Variants in OSMR observed in about 807,000 individuals in gnomAD.
The protein encoded by OSMR is oncostatin-M-specific receptor subunit beta.
In OSMR, 81 loss-of-function variants were observed where a neutral mutation model predicts 99.9. That is an observed-to-expected ratio of 0.81 (90% CI 0.68 to 0.97). The LOEUF (loss-of-function observed/expected upper bound fraction) is 0.97. OSMR is among the 50% of genes least tolerant of loss of function. The probability of loss-of-function intolerance (pLI) is 0.00; values close to 1 mark genes in which losing one functional copy is unlikely to be tolerated. For synonymous variants in OSMR, 406 were observed against 410.4 expected (o/e 0.99, Z 0.13); for missense variants, 1,099 against 1,153.4 (o/e 0.95, Z 0.68).
At position 38,891,944 on chromosome 5, in the gene OSMR, C is replaced by T. The variant is rs186338569; in HGVS notation, c.991+5754C>T. On this transcript the variant is annotated intron_variant, in intron 7 of 17. Coordinates refer to ENST00000274276, the MANE Select transcript of OSMR (RefSeq NM_003999.3). Reference sequence around the variant, plus strand: ...CCCAGACTGCAGATCACATGATCCCCCACCCCTGCCGCCCTTCTCCGGGCA... The same window carrying T: ...CCCAGACTGCAGATCACATGATCCCTCACCCCTGCCGCCCTTCTCCGGGCA... Among the ~76,000 whole-genome samples, 38 of 152,310 alleles carry T rather than the reference C, an allele frequency of 2.5e-4. No homozygotes were observed. The East Asian group carries it at 7.0e-3, about 28-fold the overall frequency.
chr5:38,939,803 A>G, downstream of OSMR: 1 of 225,654 alleles, frequency 4.4e-6, no homozygotes, highest in Non-Finnish European at 8.8e-6. Flanking sequence ...TATTATTTAT[A>G]GATGATTTTC....
chr5:38,883,097 T>C (rs1455948315), intron 4 of OSMR, among the ~76,000 whole-genome samples: 1 of 152,226 alleles, frequency 6.6e-6, no homozygotes, highest in Non-Finnish European at 1.5e-5. Context: ...GCGGATTGCC[T>C]GAGCTCAGGA....
chr5:38,939,323 C>T (rs1359779242), downstream of OSMR: 1 of 232,232 alleles, frequency 4.3e-6, no homozygotes, highest in Admixed American at 5.6e-5. Flanking sequence ...GTTGTCATTT[C>T]AAAAGGACTT....
chr5:38,888,963 C>T (rs1257575011), intron 7 of OSMR, among the ~76,000 whole-genome samples: 2 of 151,984 alleles, frequency 1.3e-5, no homozygotes, highest in African/African-American at 4.8e-5. Context: ...CTTATATTTT[C>T]TTCCTTGAGT....
At chr5:38,905,540 C>T (rs1286985335) in intron 9 of OSMR, among the ~76,000 whole-genome samples, 1 of 152,038 alleles carries the variant, frequency 6.6e-6, no homozygotes, top group African/African-American at 2.4e-5. Context: ...ATACATAGCT[C>T]GAAGGGCCCT....
intron 3 of OSMR, among the ~76,000 whole-genome samples, chr5:38,878,930 A>C (rs1478564288): frequency 3.9e-5 from 6 of 152,214 alleles, no homozygotes; most frequent in Non-Finnish European, 7.3e-5. Context: ...CATTCAGTCC[A>C]GAGTTTTAGC....
At chr5:38,881,445 G>A in intron 3 of OSMR, 148 bp from the exon 4 acceptor site, 1 of 1,541,458 alleles carries the variant, frequency 6.5e-7, no homozygotes, top group Non-Finnish European at 8.7e-7. Flanking sequence ...TCAGAACATG[G>A]GGAATTGACT....
chr5:38,888,283 C>T (rs1271690936), intron 7 of OSMR, among the ~76,000 whole-genome samples: 6 of 152,094 alleles, frequency 3.9e-5, no homozygotes, highest in Non-Finnish European at 2.9e-5. Context: ...ATGTTCTGCA[C>T]ACGTGGGGAT....
At chr5:38,870,540 G>T (rs117020380) in intron 2 of OSMR, among the ~76,000 whole-genome samples, 2,073 of 152,134 alleles carry the variant, frequency 0.014, 69 homozygotes, top group East Asian at 0.13. Context: ...CCACCTCCAG[G>T]TGTAACCGAA....
At position 38,924,487 on chromosome 5, in the gene OSMR, A is replaced by G. The variant is rs1473127587; in HGVS notation, c.1936A>G (p.Lys646Glu). ...LTSHSFTLSW[K>E]DYSTESQPGF... ...ATCCCACTCCTTCACTCTGAGTTGG[A>G]AAGATTACTCTACTGAATCTCAACC... The change falls in exon 14 of 18, where the codon AAA becomes GAA. Residue 646 changes from lysine to glutamate, a missense_variant. Coordinates refer to ENST00000274276, the MANE Select transcript of OSMR (RefSeq NM_003999.3). 1 of 1,614,170 alleles carries G rather than the reference A, an allele frequency of 6.2e-7. No individual in the cohort carries two copies. Among genetic ancestry groups the G allele is most frequent in the African/African-American group, 1.3e-5 (1 of 75,068 alleles).
In OSMR at chr5:38,941,212, A is replaced by G. The variant is rs188773716; in HGVS notation, c.75-2989A>G. On this transcript the variant is annotated intron_variant and NMD_transcript_variant, in intron 1 of 2. Coordinates refer to the OSMR transcript ENST00000508882. ...TACTCATAAACCCACCTACCACTGCATTTAGTTTGTGCAAAACAAAAACAC... is the reference window on the plus strand; with the variant it reads ...TACTCATAAACCCACCTACCACTGCGTTTAGTTTGTGCAAAACAAAAACAC... 8.7e-4 allele frequency: 202 copies of G among 232,920 alleles called. 2 individuals carry two copies. Among genetic ancestry groups the G allele is most frequent in the Middle Eastern group, 7.7e-3 (6 of 778 alleles). The allele number at this position is 232,920 out of a possible 1,614,324, so 14.4% of individuals were successfully genotyped here. A position where few individuals can be genotyped will look rare whatever the true frequency, so the allele number is the denominator to read the frequency against.
chr5:38,911,795 G>A (rs1386346746), intron 9 of OSMR, among the ~76,000 whole-genome samples: 2 of 152,084 alleles, frequency 1.3e-5, no homozygotes, highest in African/African-American at 4.8e-5. Flanking sequence ...CACATAAACC[G>A]AACTAAAAAC....
At chr5:38,926,755 T>C (rs1454393910) in intron 15 of OSMR, among the ~76,000 whole-genome samples, 6 of 152,166 alleles carry the variant, frequency 3.9e-5, no homozygotes, top group African/African-American at 1.4e-4. Flanking sequence ...GCCCTCATAT[T>C]TCAAAACACA....
At chr5:38,892,980 C>T (rs1744255845) in intron 7 of OSMR, among the ~76,000 whole-genome samples, 1 of 152,206 alleles carries the variant, frequency 6.6e-6, no homozygotes, top group Non-Finnish European at 1.5e-5. Flanking sequence ...CCAGGGGCTC[C>T]AGCTCTGCCC....
chr5:38,899,541 G>A (rs1561381809), intron 7 of OSMR, among the ~76,000 whole-genome samples: 5 of 152,284 alleles, frequency 3.3e-5, no homozygotes, highest in Admixed American at 3.3e-4. Context: ...ACGTCTCAGA[G>A]TCTCACCCAA....
Position 38,876,289 on chromosome 5 carries a change from C to T in OSMR, c.162C>T (p.Val54=). The T allele has an allele frequency of 6.2e-7, 1 of 1,613,140 alleles. No homozygotes were observed. Among genetic ancestry groups the T allele is most frequent in the Non-Finnish European group, 8.5e-7 (1 of 1,179,190 alleles). The change falls in exon 3 of 18, where the codon GTC becomes GTT. Residue 54 remains valine, a synonymous_variant. Transcript: ENST00000274276. The part of the protein sequence containing the change: ...TRQSLHLQWT[V]HNLPYHQELK... ...AGAGTTTGCACTTACAATGGACTGT[C>T]CACAACCTTCCTTATCATCAGGAAT...
intron 7 of OSMR, among the ~76,000 whole-genome samples, chr5:38,892,961 G>C (rs762204221): frequency 6.6e-6 from 1 of 152,126 alleles, no homozygotes. Context: ...TGGGGTATTT[G>C]TGGGCAAGCC....
At chr5:38,894,460 A>G (rs1744360238) in intron 7 of OSMR, among the ~76,000 whole-genome samples, 1 of 152,132 alleles carries the variant, frequency 6.6e-6, no homozygotes, top group African/African-American at 2.4e-5. Context: ...CCCATCTTAC[A>G]TGTAATGACA....
chr5:38,885,717 T>A (rs1024758644), intron 6 of OSMR, among the ~76,000 whole-genome samples: 2 of 152,254 alleles, frequency 1.3e-5, no homozygotes, highest in Non-Finnish European at 2.9e-5. Context: ...AGTTAATGTA[T>A]ACCTTGACGT....
Sources: gnomAD v4.1 joint callset for allele counts (sites outside exome capture counted in the v4.1 genomes callset) on GRCh38, gnomAD v4.1.1 for gene constraint, MANE v1.5 for transcripts, NCBI Gene and HGNC (gene_info 2026-07-23, HGNC 2026-07-21) for gene names.